Variants in CPQ observed in about 807,000 individuals in gnomAD.
CPQ encodes Ser-Met dipeptidase.
In CPQ, 37 loss-of-function variants were observed where a neutral mutation model predicts 45.7. The ratio of observed to expected loss-of-function variants is 0.81; its 90% CI spans 0.62 to 1.07. The LOEUF (loss-of-function observed/expected upper bound fraction) is 1.07. Among genes scored for constraint, CPQ ranks in the 50% least tolerant of loss-of-function variants. CPQ has a pLI of 0.00. For synonymous variants in CPQ, 186 were observed against 205.8 expected (o/e 0.90, Z 0.82); for missense variants, 537 against 572.9 (o/e 0.94, Z 0.64).
chr8:96,851,353 T>G (rs750368633), intron 3 of CPQ, among the ~76,000 whole-genome samples: 1 of 152,232 alleles, frequency 6.6e-6, no homozygotes, highest in Non-Finnish European at 1.5e-5. Flanking sequence ...TTGGTTCATT[T>G]GTGCTGCTAT....
intron 4 of CPQ, among the ~76,000 whole-genome samples, chr8:96,926,489 A>G (rs1269674593): frequency 1.3e-5 from 2 of 152,094 alleles, no homozygotes; most frequent in Non-Finnish European, 2.9e-5. Flanking sequence ...AAAGCGATGT[A>G]CAAATTCCTA....
At chr8:96,664,882 G>A (rs113551242) in intron 1 of CPQ, among the ~76,000 whole-genome samples, 92 of 152,294 alleles carry the variant, frequency 6.0e-4, no homozygotes, top group Admixed American at 1.9e-3. Context: ...GATGATACAG[G>A]AATGAAGGAA....
At chr8:96,765,247 C>T (rs1025468207) in intron 1 of CPQ, among the ~76,000 whole-genome samples, 2 of 152,246 alleles carry the variant, frequency 1.3e-5, no homozygotes, top group East Asian at 1.9e-4. Context: ...TGGAAACAGA[C>T]GTTGGAACAG....
intron 1 of CPQ, among the ~76,000 whole-genome samples, chr8:96,681,014 G>T (rs1239839093): frequency 6.6e-6 from 1 of 152,206 alleles, no homozygotes; most frequent in Non-Finnish European, 1.5e-5. Context: ...AAACATTCAA[G>T]AAGTGACTTC....
chr8:96,700,974 G>T (rs1330821343), intron 1 of CPQ, among the ~76,000 whole-genome samples: 1 of 152,182 alleles, frequency 6.6e-6, no homozygotes, highest in Non-Finnish European at 1.5e-5. Context: ...GAAAGTGATT[G>T]GAATTTTGTG....
chr8:96,774,639 G>A (rs939368421), intron 1 of CPQ, among the ~76,000 whole-genome samples: 11 of 152,058 alleles, frequency 7.2e-5, no homozygotes, highest in Admixed American at 3.9e-4. Context: ...AGAAGAATCC[G>A]AAAAAACCCC....
At chr8:96,804,230 T>A (rs753490009) in intron 2 of CPQ, among the ~76,000 whole-genome samples, 2 of 152,162 alleles carry the variant, frequency 1.3e-5, no homozygotes, top group Non-Finnish European at 2.9e-5. Context: ...GTGCTAGAAC[T>A]GGAAACGTAT....
chr8:96,957,977 G>A (rs985446794), intron 4 of CPQ, among the ~76,000 whole-genome samples: 2 of 150,412 alleles, frequency 1.3e-5, no homozygotes, highest in Non-Finnish European at 2.9e-5. Context: ...CCAGTAGCTG[G>A]GACTATAGAC....
At chr8:96,726,204 T>C (rs1407253460) in intron 1 of CPQ, among the ~76,000 whole-genome samples, 1 of 152,050 alleles carries the variant, frequency 6.6e-6, no homozygotes, top group African/African-American at 2.4e-5. Flanking sequence ...CCCACACATA[T>C]GCCCTCTGAA....
chr8:96,981,286 T>C (rs916284479), intron 5 of CPQ, among the ~76,000 whole-genome samples: 1 of 152,212 alleles, frequency 6.6e-6, no homozygotes, highest in Non-Finnish European at 1.5e-5. Context: ...TCTGAAATAA[T>C]GGCATCTTTT....
At chr8:97,135,729 T>A (rs1267897090) in intron 7 of CPQ, among the ~76,000 whole-genome samples, 1 of 152,126 alleles carries the variant, frequency 6.6e-6, no homozygotes, top group African/African-American at 2.4e-5. Context: ...CAAGATGTGT[T>A]TATAAAAGGA....
At chr8:96,883,016 T>A (rs1812248832) in intron 4 of CPQ, among the ~76,000 whole-genome samples, 1 of 152,204 alleles carries the variant, frequency 6.6e-6, no homozygotes, top group Admixed American at 6.5e-5. Flanking sequence ...CATATATAAG[T>A]GAAATAATAT....
intron 7 of CPQ, among the ~76,000 whole-genome samples, chr8:97,131,315 C>A (rs1183953335): frequency 6.6e-6 from 1 of 152,118 alleles, no homozygotes; most frequent in African/African-American, 2.4e-5. Flanking sequence ...ATAAAGGAAT[C>A]CAAAGGCTCT....
chr8:96,908,136 G>GTC (rs1235811966), intron 4 of CPQ, among the ~76,000 whole-genome samples: 11 of 150,336 alleles, frequency 7.3e-5, no homozygotes, highest in Non-Finnish European at 1.5e-4. Flanking sequence ...GTGTGTGTGT[G>GTC]TGTGTGTCTG....
intron 1 of CPQ, among the ~76,000 whole-genome samples, chr8:96,770,335 C>T (rs1810524560): frequency 1.3e-5 from 2 of 152,132 alleles, no homozygotes. Context: ...AACCTGCTAT[C>T]ACTGTAGTAA....
intron 4 of CPQ, among the ~76,000 whole-genome samples, chr8:96,954,324 T>C (rs1330957111): frequency 2.0e-5 from 3 of 152,092 alleles, no homozygotes; most frequent in Non-Finnish European, 4.4e-5. Context: ...ACTAATGAGA[T>C]TTAACTGATT....
At chr8:96,708,417 ATATG>A (rs1371328796) in intron 1 of CPQ, among the ~76,000 whole-genome samples, 12 of 58,522 alleles carry the variant, frequency 2.1e-4, no homozygotes, top group African/African-American at 8.8e-4. Context: ...AAGGTAAGCC[ATATG>A]TGTGTGTGTG....
chr8:96,959,875 T>TA (rs1474153246), intron 4 of CPQ, among the ~76,000 whole-genome samples: 5 of 68,690 alleles, frequency 7.3e-5, no homozygotes, highest in South Asian at 5.5e-4. Flanking sequence ...CTGCAATTTT[T>TA]AAAAAATCAC....
chr8:96,853,075 G>A (rs772544426), intron 3 of CPQ, among the ~76,000 whole-genome samples: 1 of 152,200 alleles, frequency 6.6e-6, no homozygotes, highest in Non-Finnish European at 1.5e-5. Flanking sequence ...AAATAGGACT[G>A]TTACCTAAGC....
Sources: allele counts gnomAD v4.1 joint callset (sites outside exome capture counted in the v4.1 genomes callset), GRCh38; gene constraint gnomAD v4.1.1; transcripts MANE v1.5; gene names NCBI Gene and HGNC (gene_info 2026-07-23, HGNC 2026-07-21).